Variants in SLC24A2 observed in about 807,000 individuals in gnomAD.
The protein encoded by SLC24A2 is solute carrier family 24 member 2, also known as sodium/potassium/calcium exchanger 2.
Under a neutral mutation model 62.0 loss-of-function variants are expected in SLC24A2, and 36 were observed. The observed-to-expected ratio is 0.58, with a 90% CI of 0.44 to 0.77. The LOEUF is 0.77. Ranked by LOEUF, SLC24A2 falls within the 30% of genes least tolerant of loss-of-function variation. The pLI, the probability that SLC24A2 is intolerant of heterozygous loss-of-function variation, is 0.00. For missense variants in SLC24A2, 846 were observed against 817.9 expected, an observed-to-expected ratio of 1.03 and a Z score of -0.42; for synonymous variants, 358 against 294.0, an observed-to-expected ratio of 1.22 and a Z score of -2.23.
the SLC24A2 span, among the ~76,000 whole-genome samples, chr9:19,933,877 A>T: frequency 1.3e-5 from 2 of 152,356 alleles, no homozygotes; most frequent in South Asian, 4.1e-4. Context: ...CAAAAGCCAC[A>T]TGTAGTATGA....
chr9:19,961,045 T>A, the SLC24A2 span, among the ~76,000 whole-genome samples: 1 of 148,718 alleles, frequency 6.7e-6, no homozygotes, highest in African/African-American at 2.5e-5. Flanking sequence ...TGTGTGTGTG[T>A]GTGTGTGAGT....
chr9:19,966,709 T>G, the SLC24A2 span, among the ~76,000 whole-genome samples: 2 of 152,256 alleles, frequency 1.3e-5, no homozygotes, highest in East Asian at 3.9e-4. Flanking sequence ...CAGGAAAGTG[T>G]TGGACTATGG....
chr9:19,573,436 T>G lies in SLC24A2; in HGVS notation c.1262A>C (p.Asp421Ala), dbSNP rs533180167. Residue 421 changes from aspartate (D) to alanine (A), a missense_variant, in exon 7 of 11, where the codon GAT (aspartate) becomes GCT (alanine). Physicochemically the swap from Asp to Ala is moderately radical, Grantham distance 126. Coordinates refer to ENST00000341998, the MANE Select transcript of SLC24A2 (RefSeq NM_020344.4). ...KIELPNSTST[D>A]VEMTPSSDAS... ...ATCACTGGATGGTGTCATTTCAACATCTGTGCTGGTGCTGTTTGGAAGCTC... is the reference window on the plus strand; with the variant it reads ...ATCACTGGATGGTGTCATTTCAACAGCTGTGCTGGTGCTGTTTGGAAGCTC... 1.3e-5 allele frequency: 21 copies of G among 1,613,372 alleles called. No homozygotes were observed. The highest frequency in any genetic ancestry group is 1.8e-5 in the Non-Finnish European group (21 of 1,179,676).
At chr9:19,913,702 C>A in the SLC24A2 span, among the ~76,000 whole-genome samples, 1 of 151,944 alleles carries the variant, frequency 6.6e-6, no homozygotes, top group Non-Finnish European at 1.5e-5. Flanking sequence ...AATTTGAAAA[C>A]CTACTTTATG....
the SLC24A2 span, among the ~76,000 whole-genome samples, chr9:19,889,752 T>C: frequency 6.6e-6 from 1 of 152,220 alleles, no homozygotes; most frequent in Non-Finnish European, 1.5e-5. Context: ...GCTGTCAAAA[T>C]CCTGGATGAC....
chr9:20,181,534 G>A, the SLC24A2 span, among the ~76,000 whole-genome samples: 2 of 152,176 alleles, frequency 1.3e-5, no homozygotes, highest in African/African-American at 2.4e-5. Context: ...AAGAAATGGG[G>A]AAAGGATTGC....
the SLC24A2 span, among the ~76,000 whole-genome samples, chr9:19,848,755 G>A: frequency 2.0e-5 from 3 of 152,222 alleles, no homozygotes; most frequent in East Asian, 1.9e-4. Context: ...ACAAAAGATT[G>A]TTCTTCATTA....
At chr9:19,996,756 A>AG in the SLC24A2 span, among the ~76,000 whole-genome samples, 1 of 151,696 alleles carries the variant, frequency 6.6e-6, no homozygotes, top group Admixed American at 6.6e-5. Context: ...AAAAAAAAAA[A>AG]AAAAAAAAAA....
the SLC24A2 span, among the ~76,000 whole-genome samples, chr9:20,028,813 G>A: frequency 1.3e-5 from 2 of 152,270 alleles, no homozygotes; most frequent in South Asian, 4.1e-4. Context: ...CAAAAGCCTG[G>A]CAGATCCCCC....
chr9:19,814,851 C>T, the SLC24A2 span, among the ~76,000 whole-genome samples: 4 of 152,074 alleles, frequency 2.6e-5, no homozygotes, highest in Admixed American at 6.5e-5. Flanking sequence ...AAAATGATGT[C>T]TCAGTTTCTA....
At chr9:19,701,049 C>G (rs866169550) in intron 2 of SLC24A2, among the ~76,000 whole-genome samples, 1 of 152,160 alleles carries the variant, frequency 6.6e-6, no homozygotes, top group Non-Finnish European at 1.5e-5. Context: ...AGGATTGAGT[C>G]CTAATTTACT....
At chr9:20,260,049 C>A in the SLC24A2 span, among the ~76,000 whole-genome samples, 78 of 152,286 alleles carry the variant, frequency 5.1e-4, no homozygotes, top group African/African-American at 1.8e-3. Context: ...TGCCACTGCA[C>A]TCCAGCCTGT....
chr9:19,947,563 G>T, the SLC24A2 span, among the ~76,000 whole-genome samples: 49 of 151,880 alleles, frequency 3.2e-4, no homozygotes, highest in Admixed American at 8.5e-4. Context: ...GGCCGAGGTG[G>T]GCACATCATG....
intron 2 of SLC24A2, among the ~76,000 whole-genome samples, chr9:19,721,356 C>A (rs1272718762): frequency 1.3e-5 from 2 of 152,164 alleles, no homozygotes; most frequent in African/African-American, 4.8e-5. Flanking sequence ...TGCTGACCCT[C>A]TGTTGATACT....
chr9:20,199,713 T>G, the SLC24A2 span, among the ~76,000 whole-genome samples: 1 of 151,522 alleles, frequency 6.6e-6, no homozygotes, highest in Non-Finnish European at 1.5e-5. Flanking sequence ...GTTTCTTTCT[T>G]TTTTCTTTCT....
chr9:20,206,496 T>C, the SLC24A2 span, among the ~76,000 whole-genome samples: 2 of 152,152 alleles, frequency 1.3e-5, no homozygotes, highest in South Asian at 4.1e-4. Flanking sequence ...ATTATTATAT[T>C]ATTATTATTT....
chr9:20,303,786 T>C, the SLC24A2 span, among the ~76,000 whole-genome samples: 12 of 152,212 alleles, frequency 7.9e-5, no homozygotes, highest in Admixed American at 3.9e-4. Context: ...GCAATGCTTT[T>C]CTTAAGTAGG....
chr9:20,056,702 C>A, the SLC24A2 span, among the ~76,000 whole-genome samples: 1 of 152,148 alleles, frequency 6.6e-6, no homozygotes, highest in African/African-American at 2.4e-5. Flanking sequence ...ATGACCTGAT[C>A]TCTGCCACTT....
At chr9:20,010,294 C>A in the SLC24A2 span, among the ~76,000 whole-genome samples, 2 of 152,096 alleles carry the variant, frequency 1.3e-5, no homozygotes, top group Non-Finnish European at 2.9e-5. Flanking sequence ...GAGAGGTGGC[C>A]TTCTCCTCAA....
Sources: allele counts gnomAD v4.1 joint callset (sites outside exome capture counted in the v4.1 genomes callset), GRCh38; gene constraint gnomAD v4.1.1; transcripts MANE v1.5; gene names NCBI Gene and HGNC (gene_info 2026-07-23, HGNC 2026-07-21).